PLEKHA6: variants seen among roughly 807,000 people sequenced by gnomAD.
PLEKHA6 encodes pleckstrin homology domain-containing family A member 6.
In PLEKHA6, 60 loss-of-function variants were observed where a neutral mutation model predicts 116.7. The observed-to-expected ratio is 0.51, with a 90% CI of 0.42 to 0.64. PLEKHA6 has a LOEUF of 0.64. Among genes scored for constraint, PLEKHA6 ranks in the 30% least tolerant of loss-of-function variants. The pLI is 0.00. For missense variants in PLEKHA6, 1,338 were observed against 1,422.7 expected, an observed-to-expected ratio of 0.94 and a Z score of 0.96; for synonymous variants, 489 against 556.1, an observed-to-expected ratio of 0.88 and a Z score of 1.70.
chr1:204,324,919 T>A (rs952620682), intron 1 of PLEKHA6, among the ~76,000 whole-genome samples: 14 of 151,944 alleles, frequency 9.2e-5, no homozygotes, highest in Admixed American at 6.6e-4. Flanking sequence ...ATTTTATTTA[T>A]TTATTTATTT....
At chr1:204,287,749 A>G (rs1434718242) in intron 1 of PLEKHA6, among the ~76,000 whole-genome samples, 1 of 152,074 alleles carries the variant, frequency 6.6e-6, no homozygotes, top group Non-Finnish European at 1.5e-5. Flanking sequence ...GCTGCTTCTG[A>G]CCAGAGCTAC....
At chr1:204,366,258 A>G (rs1300558627) in intron 3 of PLEKHA6, among the ~76,000 whole-genome samples, 1 of 152,244 alleles carries the variant, frequency 6.6e-6, no homozygotes, top group Non-Finnish European at 1.5e-5. Flanking sequence ...AACTGAAGCA[A>G]GAAGCATTTG....
chr1:204,282,750 C>A lies in PLEKHA6; in HGVS notation c.-94-7941G>T, dbSNP rs554193209. 9.1e-6 allele frequency: 9 copies of A among 985,348 alleles called. No individual in the cohort carries two copies. In the South Asian group the frequency reaches 3.8e-4, roughly 41 times the overall value. 61.0% of individuals were successfully genotyped at this position (985,348 alleles called of 1,614,324 possible). On this transcript the variant is annotated intron_variant, in intron 1 of 22. Coordinates refer to ENST00000272203, the MANE Select transcript of PLEKHA6 (RefSeq NM_014935.5). ...CTTCACCCTGACCCAAATTGGAGAA[C>A]TGGGGCAATCCAGCTCCCTGGAGCT... is the stretch of plus-strand genomic sequence containing the variant.
chr1:204,238,594 G>T lies in PLEKHA6; in HGVS notation c.2409+2781C>A, dbSNP rs937564207. ...TATATATGTGATCAGGCTCGAGCAG[G>T]TCCTGAAGGCACAAGTAAGTTACAT... On this transcript the variant is annotated intron_variant, in intron 17 of 22. Transcript: ENST00000272203. This position sits in a 1 kb window ranked among gnomAD's most constrained non-coding sequence, Gnocchi z 4.2. 6.6e-6 allele frequency among the ~76,000 whole-genome samples: 1 copy of T among 152,148 alleles called. No homozygotes were observed. Among genetic ancestry groups the T allele is most frequent in the African/African-American group, 2.4e-5 (1 of 41,402 alleles).
intron 4 of PLEKHA6, 134 bp from the exon 5 acceptor site, chr1:204,267,681 G>A (rs995686731): frequency 4.1e-5 from 29 of 715,986 alleles, no homozygotes; most frequent in African/African-American, 3.0e-4. Context: ...GTTAATGCAC[G>A]GCAGCAACCC....
intron 18 of PLEKHA6, among the ~76,000 whole-genome samples, chr1:204,229,701 A>T (rs1391862516): frequency 6.6e-6 from 1 of 152,192 alleles, no homozygotes; most frequent in African/African-American, 2.4e-5. Flanking sequence ...ATGCATGAGG[A>T]GCCAACCACA....
At chr1:204,243,559 CCCACCCTTTTGCTT>C (rs1171619939) in intron 15 of PLEKHA6, among the ~76,000 whole-genome samples, 33 of 152,168 alleles carry the variant, frequency 2.2e-4, no homozygotes, top group Admixed American at 2.2e-3. Flanking sequence ...CAGCTCCTCT[CCCACCCTTTTGCTT>C]CCACCCACTC....
chr1:204,340,861 G>A (rs1672821573), intron 1 of PLEKHA6, among the ~76,000 whole-genome samples: 2 of 152,218 alleles, frequency 1.3e-5, no homozygotes, highest in South Asian at 4.1e-4. Flanking sequence ...CTGGCCTTTG[G>A]CTATTTTTGT....
At chr1:204,227,867 T>C (rs1407754215) in intron 21 of PLEKHA6, among the ~76,000 whole-genome samples, 11 of 152,252 alleles carry the variant, frequency 7.2e-5, no homozygotes, top group Non-Finnish European at 1.6e-4. Flanking sequence ...ATCCCGGCTC[T>C]GAGCTCCTGG....
intron 15 of PLEKHA6, among the ~76,000 whole-genome samples, chr1:204,243,870 A>G (rs540414913): frequency 2.0e-5 from 3 of 151,970 alleles, no homozygotes; most frequent in South Asian, 2.1e-4. Flanking sequence ...ACCCAGGCTG[A>G]AGTGCAGTGG....
intron 1 of PLEKHA6, among the ~76,000 whole-genome samples, chr1:204,291,844 A>G (rs772657524): frequency 7.2e-5 from 11 of 152,196 alleles, no homozygotes; most frequent in Non-Finnish European, 1.6e-4. Flanking sequence ...AATTATCTCA[A>G]TTGTGTTTAT....
chr1:204,268,427 C>T, intron 3 of PLEKHA6, 115 bp from the exon 4 acceptor site: 1 of 536,612 alleles, frequency 1.9e-6, no homozygotes, highest in Non-Finnish European at 3.1e-6. Flanking sequence ...CTGGGGTGCC[C>T]TCACACCAAG....
At chr1:204,319,856 G>A (rs1052317203) in intron 1 of PLEKHA6, among the ~76,000 whole-genome samples, 8 of 152,058 alleles carry the variant, frequency 5.3e-5, no homozygotes, top group African/African-American at 1.7e-4. Flanking sequence ...GGGACAGGGC[G>A]GGCAGGGATG....
chr1:204,351,205 G>T (rs948753512), intron 1 of PLEKHA6, among the ~76,000 whole-genome samples: 1 of 152,178 alleles, frequency 6.6e-6, no homozygotes, highest in African/African-American at 2.4e-5. Context: ...GGGTGTGGCG[G>T]GGGGGAGGTG....
rs376718335 is a variant in PLEKHA6 at position 204,296,541 on chromosome 1, T to C, written c.-94-21732A>G. The stretch of plus-strand genomic sequence containing the variant: ...TAGCCCCACCTTCCCCAAAGGGCAT[T>C]GCAGCGGCCCTCTAAGCTGCCAGAA... On this transcript the variant is annotated intron_variant, in intron 1 of 22. Coordinates refer to ENST00000272203, the MANE Select transcript of PLEKHA6 (RefSeq NM_014935.5). 1.8e-3 allele frequency among the ~76,000 whole-genome samples: 278 copies of C among 152,328 alleles called. 7 individuals carry two copies. In the South Asian group the frequency reaches 0.053, roughly 29 times the overall value.
chr1:204,269,865 A>C (rs1268554072), intron 3 of PLEKHA6, among the ~76,000 whole-genome samples: 1 of 152,140 alleles, frequency 6.6e-6, no homozygotes, highest in Admixed American at 6.6e-5. Context: ...AGATGCACTC[A>C]AGTCTCTCCA....
intron 17 of PLEKHA6, among the ~76,000 whole-genome samples, chr1:204,235,186 G>A (rs1409092477): frequency 6.6e-6 from 1 of 151,282 alleles, no homozygotes; most frequent in Non-Finnish European, 1.5e-5. Flanking sequence ...AATATGATTA[G>A]ACCCAAAAAT....
Position 204,268,240 on chromosome 1 carries a change from G to A in PLEKHA6, c.175C>T (p.Pro59Ser), listed in dbSNP as rs199871600. The A allele has an allele frequency of 1.9e-5, 31 of 1,612,588 alleles. No homozygotes were observed. In the East Asian group the frequency reaches 6.7e-4, roughly 35 times the overall value. The change falls in exon 4 of 23, where the codon CCT becomes TCT. Residue 59 changes from proline to serine, a missense_variant. Pro to Ser is a moderately conservative substitution (Grantham distance 74). This residue lies in a region of PLEKHA6 where 140 missense variants were observed against 197.4 expected (regional missense o/e 0.71). Transcript: ENST00000272203. Reference protein sequence around the residue: ...SHSMKRNPNAPVTKAGWLFKQ... With the variant: ...SHSMKRNPNASVTKAGWLFKQ... ...AAGAGCCAGCCCGCCTTGGTGACAG[G>A]TGCATTGGGGTTCCGCTTCATGGAG... is the stretch of plus-strand genomic sequence containing the variant.
At chr1:204,234,977 TA>T (rs1661766509) in intron 17 of PLEKHA6, among the ~76,000 whole-genome samples, 2 of 14,278 alleles carry the variant, frequency 1.4e-4, no homozygotes, top group African/African-American at 9.3e-4. Flanking sequence ...TATATATATA[TA>T]TATATATATA....
Sources: allele counts gnomAD v4.1 joint callset (sites outside exome capture counted in the v4.1 genomes callset), GRCh38; gene constraint gnomAD v4.1.1; regional missense constraint gnomAD v4.1.1; non-coding constraint Gnocchi (gnomAD v3.1); transcripts MANE v1.5; gene names NCBI Gene and HGNC (gene_info 2026-07-23, HGNC 2026-07-21).